Variants in SPHKAP observed in about 807,000 individuals in gnomAD.
SPHKAP encodes the protein A-kinase anchor protein SPHKAP.
SPHKAP carries 67 observed loss-of-function variants against 137.5 expected under a neutral mutation model. The ratio of observed to expected loss-of-function variants is 0.49; its 90% CI spans 0.40 to 0.60. The LOEUF (loss-of-function observed/expected upper bound fraction) is 0.60, where lower values mean the gene tolerates loss of function less well. SPHKAP is among the 20% of genes least tolerant of loss of function. The probability of loss-of-function intolerance (pLI) is 0.00; values close to 1 mark genes in which losing one functional copy is unlikely to be tolerated. For missense variants in SPHKAP, 2,097 were observed against 2,069.3 expected (o/e 1.01, Z -0.26); for synonymous variants, 813 against 785.3 (o/e 1.04, Z -0.59).
chr2:228,090,920 C>G (rs931094525), intron 3 of SPHKAP, among the ~76,000 whole-genome samples: 3 of 152,162 alleles, frequency 2.0e-5, no homozygotes, highest in African/African-American at 7.2e-5. Flanking sequence ...TTAAATCTCT[C>G]TTCTTGATAA....
chr2:228,162,442 G>A (rs1700301028), intron 1 of SPHKAP, among the ~76,000 whole-genome samples: 1 of 152,152 alleles, frequency 6.6e-6, no homozygotes, highest in South Asian at 2.1e-4. Flanking sequence ...TGATTGGTAA[G>A]CTTTATCTTA....
At chr2:228,120,042 C>G (rs2106361758) in intron 2 of SPHKAP, among the ~76,000 whole-genome samples, 1 of 152,140 alleles carries the variant, frequency 6.6e-6, no homozygotes, top group East Asian at 1.9e-4. Flanking sequence ...TAATGGAGTT[C>G]TTTTAGCTCT....
At chr2:228,013,461 G>A (rs1694461895) in intron 7 of SPHKAP, among the ~76,000 whole-genome samples, 1 of 152,080 alleles carries the variant, frequency 6.6e-6, no homozygotes, top group African/African-American at 2.4e-5. Context: ...TGGCCAGGCT[G>A]GTCTTGAACT....
At chr2:228,101,013 G>T (rs1347425204) in intron 3 of SPHKAP, among the ~76,000 whole-genome samples, 1 of 152,120 alleles carries the variant, frequency 6.6e-6, no homozygotes, top group African/African-American at 2.4e-5. Context: ...TTCTCTATCT[G>T]CACATTCTCC....
intron 3 of SPHKAP, among the ~76,000 whole-genome samples, chr2:228,034,091 G>C (rs1422295480): frequency 6.6e-6 from 1 of 152,152 alleles, no homozygotes; most frequent in Non-Finnish European, 1.5e-5. Flanking sequence ...GAATCCAGGA[G>C]CTGGTTTTTT....
At chr2:228,158,326 C>CTT (rs55897294) in intron 1 of SPHKAP, among the ~76,000 whole-genome samples, 2,917 of 133,046 alleles carry the variant, frequency 0.022, 80 homozygotes, top group African/African-American at 0.038. Context: ...TTACTTCTTT[C>CTT]TTTTTTTTTT....
At chr2:228,073,627 G>T (rs1697074905) in intron 3 of SPHKAP, among the ~76,000 whole-genome samples, 1 of 152,208 alleles carries the variant, frequency 6.6e-6, no homozygotes, top group Non-Finnish European at 1.5e-5. Flanking sequence ...GTATTGCTCA[G>T]ATTTTAAACT....
In SPHKAP at chr2:227,993,587, G is replaced by A. The variant is rs528902743; in HGVS notation, c.4668C>T (p.Gly1556=). The A allele has an allele frequency of 6.7e-5, 108 of 1,602,722 alleles. 5 individuals carry two copies. The South Asian group carries it at 1.1e-3, about 16-fold the overall frequency. ...NGNSSATSSL[G]IMDLDIYQES... ...CCTGATAAATGTCCAGATCCATAATGCCAAGACTGCTAGTGGCACTACTGT... is the reference window on the plus strand; with the variant it reads ...CCTGATAAATGTCCAGATCCATAATACCAAGACTGCTAGTGGCACTACTGT... Residue 1556 remains glycine, a synonymous_variant, in exon 9 of 12, where the codon GGC becomes GGT. Transcript: ENST00000392056.
rs556633302 is a variant in SPHKAP, at chr2:228,041,576, G to A, written c.247-14033C>T. On this transcript the variant is annotated intron_variant, in intron 3 of 11. Coordinates refer to ENST00000392056, the MANE Select transcript of SPHKAP (RefSeq NM_001142644.2). ...GGAGAATCGCTTGAACCCAGGAGGC[G>A]GAGGAGGTTGCAGTGAGCAGAGATC... is the stretch of plus-strand genomic sequence containing the variant. Among the ~76,000 whole-genome samples, 8 of 150,948 alleles carry A rather than the reference G, an allele frequency of 5.3e-5. No individual in the cohort carries two copies. In the South Asian group the frequency reaches 1.3e-3, roughly 24 times the overall value.
chr2:228,075,624 A>G (rs1272094038), intron 3 of SPHKAP, among the ~76,000 whole-genome samples: 2 of 152,196 alleles, frequency 1.3e-5, no homozygotes, highest in African/African-American at 4.8e-5. Context: ...TGTAGGAACC[A>G]GTATCATTCT....
intron 2 of SPHKAP, among the ~76,000 whole-genome samples, chr2:228,118,623 C>A (rs1698798780): frequency 6.6e-6 from 1 of 151,936 alleles, no homozygotes; most frequent in Non-Finnish European, 1.5e-5. Flanking sequence ...TTTAAGATAT[C>A]TTTTTTCTTT....
intron 1 of SPHKAP, among the ~76,000 whole-genome samples, chr2:228,154,164 ATAAT>A (rs906734387): frequency 1.3e-5 from 2 of 152,254 alleles, no homozygotes; most frequent in East Asian, 1.9e-4. Flanking sequence ...AAATAAATAA[ATAAT>A]TAATAAAACG....
chr2:228,038,134 G>C (rs2106253309), intron 3 of SPHKAP, among the ~76,000 whole-genome samples: 1 of 152,264 alleles, frequency 6.6e-6, no homozygotes, highest in African/African-American at 2.4e-5. Context: ...ACAATACAAG[G>C]CATTGTTTTT....
rs192949065 is a variant in SPHKAP at position 228,087,070 on chromosome 2, A to G, written c.246+21762T>C. 2.2e-3 allele frequency among the ~76,000 whole-genome samples: 326 copies of G among 150,780 alleles called. 5 individuals carry two copies. In the East Asian group the frequency reaches 0.042, roughly 20 times the overall value. On this transcript the variant is annotated intron_variant, in intron 3 of 11. Transcript: ENST00000392056. ...ATAGTGAGGTCAAACATTCAGGGGCATAATACCAAATGAACTAGACAGCCA... is the reference window on the plus strand; with the variant it reads ...ATAGTGAGGTCAAACATTCAGGGGCGTAATACCAAATGAACTAGACAGCCA...
At chr2:228,098,620 T>C (rs12694773) in intron 3 of SPHKAP, among the ~76,000 whole-genome samples, 47,140 of 150,404 alleles carry the variant, frequency 0.31, 7,586 homozygotes, top group Admixed American at 0.4. Flanking sequence ...TGTGGGGTGG[T>C]GGGGTGGGGG....
intron 3 of SPHKAP, among the ~76,000 whole-genome samples, chr2:228,047,853 G>C (rs1346369333): frequency 6.6e-6 from 1 of 152,172 alleles, no homozygotes; most frequent in East Asian, 1.9e-4. Flanking sequence ...TGATACTGAA[G>C]TCTGGACAAA....
chr2:228,055,135 T>A (rs1177395177), intron 3 of SPHKAP, among the ~76,000 whole-genome samples: 1 of 11,062 alleles, frequency 9.0e-5, no homozygotes. Context: ...AGAGTGAAAC[T>A]CCACTCCAAA....
intron 1 of SPHKAP, among the ~76,000 whole-genome samples, chr2:228,149,560 G>C (rs1699869287): frequency 6.6e-6 from 1 of 152,152 alleles, no homozygotes; most frequent in Non-Finnish European, 1.5e-5. Flanking sequence ...TTGGGGAAGA[G>C]AGCATTAGGG....
chr2:228,139,850 A>G (rs913464737), intron 1 of SPHKAP, among the ~76,000 whole-genome samples: 2 of 150,646 alleles, frequency 1.3e-5, no homozygotes, highest in African/African-American at 4.9e-5. Context: ...TTATACATGA[A>G]TACCACTAGA....
Sources: gnomAD v4.1 joint callset for allele counts (sites outside exome capture counted in the v4.1 genomes callset) on GRCh38, gnomAD v4.1.1 for gene constraint, MANE v1.5 for transcripts, NCBI Gene and HGNC (gene_info 2026-07-23, HGNC 2026-07-21) for gene names.